The following MYO1D variants were observed in gnomAD, a reference collection of about 807,000 sequenced individuals.
MYO1D encodes unconventional myosin-Id.
MYO1D carries 83 observed loss-of-function variants against 122.0 expected under a neutral mutation model. That is an observed-to-expected ratio of 0.68 (90% CI 0.57 to 0.82). MYO1D has a LOEUF of 0.82. Among genes scored for constraint, MYO1D ranks in the 40% least tolerant of loss-of-function variants. The pLI is 0.00. For missense variants in MYO1D, 1,157 were observed against 1,269.5 expected (o/e 0.91, Z 1.35); for synonymous variants, 464 against 446.9 (o/e 1.04, Z -0.48).
In MYO1D at chr17:32,738,344, A is replaced by G; in HGVS notation, c.1655T>C (p.Leu552Pro). 2 of 1,605,720 alleles carry G rather than the reference A, an allele frequency of 1.2e-6. No individual in the cohort carries two copies. The highest frequency in any genetic ancestry group is 2.3e-5 in the South Asian group (2 of 88,510). The change falls in exon 14 of 22, where the codon CTG (leucine) becomes CCG (proline). Residue 552 changes from leucine to proline, a missense_variant. By Grantham distance (98) the Leu-to-Pro change is moderately conservative. Transcript: ENST00000318217. ...TCGCTTGGTCACCTCTGTAATGCTCAGTTTGCCTTCAGGCCACATATTCTT... is the reference window on the plus strand; with the variant it reads ...TCGCTTGGTCACCTCTGTAATGCTCGGTTTGCCTTCAGGCCACATATTCTT... ...VLKNMWPEGK[L>P]SITEVTKRPL... is the part of the protein sequence containing the mutation.
intron 1 of MYO1D, among the ~76,000 whole-genome samples, chr17:32,851,745 ACT>A (rs2090991404): frequency 1.5e-5 from 1 of 66,820 alleles, no homozygotes; most frequent in South Asian, 6.7e-4. Context: ...AGGAGTGTGC[ACT>A]CATAAGGAGT....
intron 13 of MYO1D, among the ~76,000 whole-genome samples, chr17:32,744,236 A>G (rs2089805869): frequency 6.6e-6 from 1 of 152,060 alleles, no homozygotes; most frequent in Admixed American, 6.5e-5. Context: ...CTCTGCCTGG[A>G]ATGCTCTTCC....
At chr17:32,876,042 A>G (rs768214452) in intron 1 of MYO1D, among the ~76,000 whole-genome samples, 1 of 152,210 alleles carries the variant, frequency 6.6e-6, no homozygotes, top group African/African-American at 2.4e-5. Flanking sequence ...AAGGATGTTA[A>G]TAACACAAGA....
intron 21 of MYO1D, among the ~76,000 whole-genome samples, chr17:32,538,944 C>T (rs1046936810): frequency 6.6e-6 from 1 of 151,646 alleles, no homozygotes; most frequent in Admixed American, 6.6e-5. Flanking sequence ...CACAAGAGGC[C>T]GGTTGTGGGT....
intron 1 of MYO1D, among the ~76,000 whole-genome samples, chr17:32,846,279 C>A (rs1157421369): frequency 6.6e-6 from 1 of 152,208 alleles, no homozygotes; most frequent in Non-Finnish European, 1.5e-5. Context: ...AGAATACCTA[C>A]TTCAACATTA....
intron 21 of MYO1D, among the ~76,000 whole-genome samples, chr17:32,581,364 T>C (rs1389752754): frequency 6.6e-6 from 1 of 152,194 alleles, no homozygotes; most frequent in Admixed American, 6.5e-5. Flanking sequence ...ATCAATTTTA[T>C]TTTGGTACTA....
intron 19 of MYO1D, among the ~76,000 whole-genome samples, chr17:32,644,472 T>G (rs1166876858): frequency 3.3e-5 from 5 of 152,198 alleles, no homozygotes; most frequent in African/African-American, 1.2e-4. Flanking sequence ...ATATCCTTGT[T>G]AACTTTCTGT....
chr17:32,631,872 G>A (rs1018554415), intron 20 of MYO1D, among the ~76,000 whole-genome samples: 1 of 152,016 alleles, frequency 6.6e-6, no homozygotes, highest in African/African-American at 2.4e-5. Flanking sequence ...TGAATATAGG[G>A]GTGGGGAACA....
intron 21 of MYO1D, among the ~76,000 whole-genome samples, chr17:32,548,993 G>A (rs1408696597): frequency 1.3e-5 from 2 of 152,166 alleles, no homozygotes; most frequent in Non-Finnish European, 1.5e-5. Flanking sequence ...GATTACAGGC[G>A]TGAGCCACCG....
chr17:32,676,955 C>T (rs563348532), intron 16 of MYO1D, among the ~76,000 whole-genome samples: 30 of 152,000 alleles, frequency 2.0e-4, no homozygotes, highest in African/African-American at 3.6e-4. Flanking sequence ...GGACTACAGG[C>T]GCCCACCACC....
intron 1 of MYO1D, among the ~76,000 whole-genome samples, chr17:32,822,829 C>T (rs1346280997): frequency 6.6e-6 from 1 of 151,476 alleles, no homozygotes; most frequent in African/African-American, 2.4e-5. Flanking sequence ...CGGGGTCGAC[C>T]GGCTGCCGCC....
At chr17:32,695,326 G>A (rs2089158674) in intron 16 of MYO1D, among the ~76,000 whole-genome samples, 1 of 152,194 alleles carries the variant, frequency 6.6e-6, no homozygotes, top group African/African-American at 2.4e-5. Context: ...GAGCTCAGGT[G>A]GTAATGTTTG....
chr17:32,847,411 C>T (rs2090948070), intron 1 of MYO1D, among the ~76,000 whole-genome samples: 1 of 152,170 alleles, frequency 6.6e-6, no homozygotes, highest in South Asian at 2.1e-4. Context: ...AAGACAGTGG[C>T]CACTTGCCAT....
intron 13 of MYO1D, among the ~76,000 whole-genome samples, chr17:32,739,287 T>C (rs926569182): frequency 2.0e-5 from 3 of 151,558 alleles, no homozygotes; most frequent in East Asian, 2.0e-4. Flanking sequence ...ATGTGGCACA[T>C]ATACACCATG....
chr17:32,579,657 C>A (rs952067340), intron 21 of MYO1D, among the ~76,000 whole-genome samples: 2 of 152,270 alleles, frequency 1.3e-5, no homozygotes, highest in East Asian at 3.9e-4. Flanking sequence ...TTCCTACTTC[C>A]TTCCCCTCCC....
intron 21 of MYO1D, among the ~76,000 whole-genome samples, chr17:32,596,433 T>A (rs1195714567): frequency 6.6e-6 from 1 of 152,112 alleles, no homozygotes; most frequent in Non-Finnish European, 1.5e-5. Flanking sequence ...CTTCACCTCT[T>A]GTCATGAGGC....
intron 1 of MYO1D, among the ~76,000 whole-genome samples, chr17:32,781,965 A>G (rs1256975159): frequency 6.6e-6 from 1 of 152,244 alleles, no homozygotes; most frequent in East Asian, 1.9e-4. Context: ...AGATACTGGT[A>G]GACATCTCTC....
At chr17:32,562,015 G>C (rs2087130719) in intron 21 of MYO1D, among the ~76,000 whole-genome samples, 1 of 151,550 alleles carries the variant, frequency 6.6e-6, no homozygotes, top group Non-Finnish European at 1.5e-5. Flanking sequence ...TTGGAGACAG[G>C]GGTCTTGCTG....
intron 1 of MYO1D, among the ~76,000 whole-genome samples, chr17:32,849,025 C>T (rs957054216): frequency 2.0e-5 from 3 of 152,144 alleles, no homozygotes; most frequent in Non-Finnish European, 4.4e-5. Flanking sequence ...AAAACTGGAA[C>T]ACAAAATCCC....
Sources: gnomAD v4.1 joint callset for allele counts (sites outside exome capture counted in the v4.1 genomes callset) on GRCh38, gnomAD v4.1.1 for gene constraint, MANE v1.5 for transcripts, NCBI Gene and HGNC (gene_info 2026-07-23, HGNC 2026-07-21) for gene names.